Variants in NBPF19 observed in about 807,000 individuals in gnomAD.
NBPF19 encodes the protein NBPF member 19.
In NBPF19, 30 loss-of-function variants were observed where a neutral mutation model predicts 45.9. The observed-to-expected ratio is 0.65, with a 90% CI of 0.49 to 0.89. NBPF19 has a LOEUF of 0.89. Ranked by LOEUF, NBPF19 falls within the 40% of genes least tolerant of loss-of-function variation. The pLI is 0.00. For synonymous variants in NBPF19, 183 were observed against 181.2 expected, an observed-to-expected ratio of 1.01 and a Z score of -0.08; for missense variants, 495 against 471.8, an observed-to-expected ratio of 1.05 and a Z score of -0.46.
intron 9 of NBPF19, among the ~76,000 whole-genome samples, chr1:149,487,769 C>T (rs1227422854): frequency 7.1e-6 from 1 of 140,530 alleles, no homozygotes; most frequent in South Asian, 2.4e-4. Flanking sequence ...ATTGACTGAG[C>T]TCGCTCTGTG....
intron 93 of NBPF19, 142 bp from the exon 94 acceptor site, chr1:149,554,353 A>G (rs1559627134): frequency 2.0e-6 from 3 of 1,516,178 alleles, no homozygotes; most frequent in African/African-American, 2.8e-5. Context: ...ACATAAAGGC[A>G]ATAAATTTTT....
At position 149,479,085 on chromosome 1, in the gene NBPF19, C is replaced by G. The variant is rs1226869765; in HGVS notation, c.484C>G (p.Leu162Val). The change falls in exon 4 of 94, where the codon CTC becomes GTC. Residue 162 changes from leucine to valine, a missense_variant. Physicochemically the swap from Leu to Val is conservative, Grantham distance 32. Transcript: ENST00000651566. ...CRLAQHLVQK[L>V]SPENDNDDDE... ...ACTGGCACAGCACCTTGTCCAAAAG[C>G]TCAGCCCAGGTAAGGTGGCCATAGG... The G allele has an allele frequency of 6.5e-7, 1 of 1,547,932 alleles. No individual in the cohort carries two copies. Among genetic ancestry groups the G allele is most frequent in the African/African-American group, 1.4e-5 (1 of 72,946 alleles).
In NBPF19 at chr1:149,554,821, A is replaced by C; in HGVS notation, c.*83A>C. ...AAGATTTGAATGAAACTACAGTTCC[A>C]TTTGGAAGCCCAGACATAGGATGGG... On this transcript the variant is annotated 3_prime_UTR_variant, in exon 94 of 94. Coordinates refer to ENST00000651566, the MANE Select transcript of NBPF19 (RefSeq NM_001351365.2). 1.9e-6 allele frequency: 3 copies of C among 1,596,110 alleles called. No individual in the cohort carries two copies. The highest frequency in any genetic ancestry group is 2.6e-6 in the Non-Finnish European group (3 of 1,168,346).
At chr1:149,519,504 T>C (rs2086624814) in intron 49 of NBPF19, among the ~76,000 whole-genome samples, 184 bp from the exon 50 acceptor site, 1 of 47,542 alleles carries the variant, frequency 2.1e-5, no homozygotes, top group Non-Finnish European at 4.1e-5. Flanking sequence ...TCTGTCTTTC[T>C]CTTTCATTCT....
At position 149,487,884 on chromosome 1, in the gene NBPF19, T is replaced by G. The variant is rs1175051633; in HGVS notation, c.1041-129T>G. 623 of 727,176 alleles carry G rather than the reference T, an allele frequency of 8.6e-4. 22 individuals are homozygous for G. The African/African-American group carries it at 0.01, about 12-fold the overall frequency. 45.0% of individuals were successfully genotyped at this position (727,176 alleles called of 1,614,324 possible). A position where few individuals can be genotyped will look rare whatever the true frequency, so the allele number is the denominator to read the frequency against. Reference sequence around the variant, plus strand: ...CTATCCCAACATAAAGGCAATAATTTGTTACCTCACTAATGGATCTCTCCT... The same window carrying G: ...CTATCCCAACATAAAGGCAATAATTGGTTACCTCACTAATGGATCTCTCCT... On this transcript the variant is annotated intron_variant, in intron 9 of 93. Coordinates refer to ENST00000651566, the MANE Select transcript of NBPF19 (RefSeq NM_001351365.2).
At chr1:149,478,162 C>A in intron 3 of NBPF19, 115 bp downstream of exon 3, 1 of 799,748 alleles carries the variant, frequency 1.3e-6, no homozygotes, top group South Asian at 1.4e-5. Context: ...GCAGAAATTG[C>A]CATGACAGGC....
intron 93 of NBPF19, 145 bp from the exon 94 acceptor site, chr1:149,554,350 G>T (rs2087163446): frequency 4.7e-6 from 7 of 1,491,274 alleles, no homozygotes; most frequent in African/African-American, 2.8e-5. Context: ...CCAACATAAA[G>T]GCAATAAATT....
rs1441007591 is a variant in NBPF19, at chr1:149,555,067, C to T, written c.*329C>T. 1.2e-5 allele frequency: 5 copies of T among 400,536 alleles called. No individual in the cohort carries two copies. The highest frequency in any genetic ancestry group is 5.6e-5 in the East Asian group (1 of 17,826). The allele number at this position is 400,536 out of a possible 1,614,324, so 24.8% of individuals were successfully genotyped here. A position where few individuals can be genotyped will look rare whatever the true frequency, so the allele number is the denominator to read the frequency against. ...GCAGGCATGTCTCTGAGCTTCTATA[C>T]CTGCTCAAGGTCAGTGTCATCTTTG... On this transcript the variant is annotated 3_prime_UTR_variant, in exon 94 of 94. Coordinates refer to ENST00000651566, the MANE Select transcript of NBPF19 (RefSeq NM_001351365.2).
intron 19 of NBPF19, among the ~76,000 whole-genome samples, chr1:149,495,583 CAG>C (rs2086059561): frequency 1.8e-4 from 9 of 49,948 alleles, no homozygotes; most frequent in African/African-American, 7.9e-4. Flanking sequence ...GGCACTAACT[CAG>C]AGTGTCCTGT....
chr1:149,554,652 G>C lies in NBPF19; in HGVS notation c.11446G>C (p.Ala3816Pro), dbSNP rs1366906104. 7.0e-5 allele frequency: 112 copies of C among 1,608,250 alleles called. 3 individuals are homozygous for C. The Middle Eastern group carries it at 1.4e-3, about 19-fold the overall frequency. Residue 3816 changes from alanine (A) to proline (P), a missense_variant, in exon 94 of 94, where the codon GCC becomes CCC. By Grantham distance (27) the Ala-to-Pro change is conservative (BLOSUM62 -1). Around this residue, in one of 8 missense-constraint regions of NBPF19, gnomAD observed 248 missense variants for 95.4 expected, o/e 2.60. Coordinates refer to ENST00000651566, the MANE Select transcript of NBPF19 (RefSeq NM_001351365.2). ...ATTTGAGGAAGAGCATATCAGCTTCGCCCTTTACTTGGACAATAGGTTTTT... is the reference window on the plus strand; with the variant it reads ...ATTTGAGGAAGAGCATATCAGCTTCCCCCTTTACTTGGACAATAGGTTTTT... ...YSFEEEHISF[A>P]LYLDNRFFTL...
rs1481485420 is a variant in NBPF19, at chr1:149,477,984, G to T, written c.215G>T (p.Arg72Met). ...ECKDLIKFML[R>M]NERQFKEEKL... ...AAAGACCTCATAAAATTTATGCTGA[G>T]GAATGAGCGACAGTTCAAGGAGGAG... Residue 72 changes from arginine to methionine, a missense_variant, in exon 3 of 94, where the codon AGG (arginine) becomes ATG (methionine). Transcript: ENST00000651566. 1 of 1,490,544 alleles carries T rather than the reference G, an allele frequency of 6.7e-7. No homozygotes were observed. The highest frequency in any genetic ancestry group is 1.4e-5 in the African/African-American group (1 of 72,642). The allele number at this position is 1,490,544 out of a possible 1,614,324, so 92.3% of individuals were successfully genotyped here. A position where few individuals can be genotyped will look rare whatever the true frequency, so the allele number is the denominator to read the frequency against.
In NBPF19 at chr1:149,476,115, C is replaced by CTA. The variant is rs2084790899; in HGVS notation, c.175+11_175+12dup. The CTA allele has an allele frequency of 6.7e-7, 1 of 1,497,330 alleles. No homozygotes were observed. The highest frequency in any genetic ancestry group is 2.3e-5 in the East Asian group (1 of 44,258). 92.8% of individuals were successfully genotyped at this position (1,497,330 alleles called of 1,614,324 possible). A position where few individuals can be genotyped will look rare whatever the true frequency, so the allele number is the denominator to read the frequency against. On this transcript the variant is annotated intron_variant, in intron 2 of 93. Transcript: ENST00000651566. ...ACCGACAGAAGAAATACAGTAAGAT[C>CTA]TATAGGCTCACCATCATGAAAGTGA...
chr1:149,487,821 G>GTGTGTC, intron 9 of NBPF19, among the ~76,000 whole-genome samples, 192 bp from the exon 10 acceptor site: 1 of 136,270 alleles, frequency 7.3e-6, no homozygotes, highest in African/African-American at 2.7e-5. Context: ...GTGTGTGTGT[G>GTGTGTC]TGTCTTTCTC....
rs1456004634 is a variant in NBPF19 at position 149,478,220 on chromosome 1, T to C, written c.278+173T>C. Among the ~76,000 whole-genome samples the C allele has an allele frequency of 6.6e-5, 10 of 151,202 alleles. 2 individuals are homozygous for C. Among genetic ancestry groups the C allele is most frequent in the Non-Finnish European group, 1.2e-4 (8 of 67,624 alleles). On this transcript the variant is annotated intron_variant, in intron 3 of 93. Coordinates refer to ENST00000651566, the MANE Select transcript of NBPF19 (RefSeq NM_001351365.2). Reference sequence around the variant, plus strand: ...AGTGAACAAGGATAATAATAAGTTCTGTGTTGCAGTTGTTTCTTAGAGCCT... The same window carrying C: ...AGTGAACAAGGATAATAATAAGTTCCGTGTTGCAGTTGTTTCTTAGAGCCT...
chr1:149,480,253 CAT>C (rs2085091940), intron 5 of NBPF19, 39 bp downstream of exon 5: 4 of 631,864 alleles, frequency 6.3e-6, no homozygotes, highest in South Asian at 1.8e-5. Flanking sequence ...TGGATGGTAA[CAT>C]ATGAGGAATA....
chr1:149,488,408 G>A (rs1349237943), intron 10 of NBPF19, among the ~76,000 whole-genome samples: 8 of 141,958 alleles, frequency 5.6e-5, no homozygotes, highest in East Asian at 4.6e-4. Context: ...TACCTGTGGC[G>A]CCCTAATCCT....
intron 15 of NBPF19, among the ~76,000 whole-genome samples, chr1:149,492,537 G>GTC (rs1222756669): frequency 4.1e-5 from 5 of 121,450 alleles, no homozygotes; most frequent in South Asian, 2.9e-4. Context: ...CTCTGTCTCT[G>GTC]TCTCTCTCTC....
chr1:149,488,131 A>G lies in NBPF19; in HGVS notation c.1159A>G (p.Ser387Gly), dbSNP rs1271757189. 51 of 675,092 alleles carry G rather than the reference A, an allele frequency of 7.6e-5. No individual in the cohort carries two copies. The African/African-American group carries it at 9.7e-4, about 13-fold the overall frequency. 41.8% of individuals were successfully genotyped at this position (675,092 alleles called of 1,614,324 possible). ...GACTGACTCATGCCAGCCCTACAGA[A>G]GTGCCTTTTACGTATTGGAGCAACA... The part of the protein sequence containing the change: ...ELTDSCQPYR[S>G]AFYVLEQQRV... Residue 387 changes from serine to glycine, a missense_variant, in exon 10 of 94, where the codon AGT becomes GGT. Transcript: ENST00000651566.
intron 73 of NBPF19, among the ~76,000 whole-genome samples, chr1:149,538,421 TTCTCTCTC>T (rs1189265337): frequency 5.9e-4 from 12 of 20,298 alleles, no homozygotes; most frequent in East Asian, 1.1e-3. Flanking sequence ...ACTGAGCTCG[TTCTCTCTC>T]TCTCTCTGTG....
Sources: gnomAD v4.1 joint callset for allele counts (sites outside exome capture counted in the v4.1 genomes callset) on GRCh38, gnomAD v4.1.1 for gene constraint, gnomAD v4.1.1 regional missense constraint, MANE v1.5 for transcripts, NCBI Gene and HGNC (gene_info 2026-07-23, HGNC 2026-07-21) for gene names.